Variants in HHAT observed in about 807,000 individuals in gnomAD.
HHAT encodes protein-cysteine N-palmitoyltransferase HHAT.
A neutral mutation model predicts 70.8 loss-of-function variants in HHAT; 47 were observed. The ratio of observed to expected loss-of-function variants is 0.66; its 90% CI spans 0.53 to 0.85. The LOEUF (loss-of-function observed/expected upper bound fraction) is 0.85, where lower values mean the gene tolerates loss of function less well. HHAT is among the 40% of genes least tolerant of loss of function. The probability of loss-of-function intolerance (pLI) is 0.00; values close to 1 mark genes in which losing one functional copy is unlikely to be tolerated. For synonymous variants in HHAT, 228 were observed against 247.6 expected (o/e 0.92, Z 0.74); for missense variants, 609 against 604.8 (o/e 1.01, Z -0.07).
intron 5 of HHAT, 77 bp from the exon 6 acceptor site, chr1:210,404,387 T>C: frequency 1.8e-6 from 2 of 1,141,186 alleles, no homozygotes; most frequent in South Asian, 2.7e-5. Flanking sequence ...GTGGCCCTGC[T>C]GGCCAGCACC....
At chr1:210,365,031 C>T (rs778309651) in intron 3 of HHAT, among the ~76,000 whole-genome samples, 8 of 152,048 alleles carry the variant, frequency 5.3e-5, no homozygotes, top group Admixed American at 2.0e-4. Context: ...GGTTTGGAGC[C>T]CTAGAATTTA....
At chr1:210,353,780 G>T (rs1486577760) in intron 2 of HHAT, among the ~76,000 whole-genome samples, 1 of 151,488 alleles carries the variant, frequency 6.6e-6, no homozygotes, top group African/African-American at 2.4e-5. Flanking sequence ...TCAGCATTTG[G>T]CTTTATTTTC....
intron 11 of HHAT, among the ~76,000 whole-genome samples, chr1:210,632,119 A>G (rs146822479): frequency 0.012 from 1,823 of 152,242 alleles, 14 homozygotes; most frequent in Non-Finnish European, 0.019. Context: ...TATTCTCTCT[A>G]AGGGGAAGCT....
chr1:210,674,445 C>G lies in HHAT; in HGVS notation c.*66C>G. 3 of 1,273,414 alleles carry G rather than the reference C, an allele frequency of 2.4e-6. No homozygotes were observed. Among genetic ancestry groups the G allele is most frequent in the South Asian group, 1.2e-5 (1 of 82,970 alleles). The allele number at this position is 1,273,414 out of a possible 1,614,324, so 78.9% of individuals were successfully genotyped here. ...GGCAAATAGTGCTTCACCCTGACCTCTCACTCCAGGACAGCCTCTAAGGGA... is the reference window on the plus strand; with the variant it reads ...GGCAAATAGTGCTTCACCCTGACCTGTCACTCCAGGACAGCCTCTAAGGGA... On this transcript the variant is annotated 3_prime_UTR_variant, in exon 12 of 12. Coordinates refer to ENST00000261458, the MANE Select transcript of HHAT (RefSeq NM_018194.6).
At chr1:210,648,022 G>A (rs1271682912) in intron 11 of HHAT, among the ~76,000 whole-genome samples, 3 of 152,062 alleles carry the variant, frequency 2.0e-5, no homozygotes. Flanking sequence ...GTTTTCTTGT[G>A]TCCCACCTCT....
chr1:210,576,252 T>G (rs1485860288), intron 9 of HHAT, among the ~76,000 whole-genome samples: 1 of 152,172 alleles, frequency 6.6e-6, no homozygotes, highest in African/African-American at 2.4e-5. Context: ...ATGCTACTCA[T>G]TATGATAATG....
At chr1:210,661,036 G>A (rs899169348) in intron 11 of HHAT, among the ~76,000 whole-genome samples, 3 of 152,156 alleles carry the variant, frequency 2.0e-5, no homozygotes, top group African/African-American at 7.2e-5. Flanking sequence ...AACACCAAAA[G>A]CAATGGCAAC....
At chr1:210,370,310 G>A (rs1346599560) in intron 3 of HHAT, among the ~76,000 whole-genome samples, 1 of 151,258 alleles carries the variant, frequency 6.6e-6, no homozygotes, top group Non-Finnish European at 1.5e-5. Context: ...AAGTACCTGG[G>A]ATTACAGGTG....
At chr1:210,396,812 C>T (rs879805705) in intron 4 of HHAT, among the ~76,000 whole-genome samples, 17 of 152,076 alleles carry the variant, frequency 1.1e-4, no homozygotes, top group East Asian at 9.6e-4. Context: ...CAGGAAATTA[C>T]GCTGAGTGAA....
chr1:210,329,258 C>T (rs940502487), intron 1 of HHAT, 154 bp downstream of exon 1: 4 of 1,190,076 alleles, frequency 3.4e-6, no homozygotes, highest in African/African-American at 1.6e-5. Context: ...AGGAAGTTCC[C>T]GGTCGGGCGA....
chr1:210,633,281 A>G (rs1005905984), intron 11 of HHAT, among the ~76,000 whole-genome samples: 7 of 152,230 alleles, frequency 4.6e-5, no homozygotes, highest in African/African-American at 1.2e-4. Flanking sequence ...TCAGGTCCAC[A>G]TGATGGTTAG....
At chr1:210,377,640 T>C (rs1039434641) in intron 3 of HHAT, among the ~76,000 whole-genome samples, 2 of 152,222 alleles carry the variant, frequency 1.3e-5, no homozygotes, top group Non-Finnish European at 2.9e-5. Context: ...AGGTTGGCAG[T>C]TGGGCTGAAG....
Position 210,348,984 on chromosome 1 carries a change from C to CCATCGGGG in HHAT, c.10_11insATCGGGGC (p.Arg4HisfsTer15), listed in dbSNP as rs1370338826. The CCATCGGGG allele has an allele frequency of 2.5e-6, 4 of 1,613,958 alleles. No homozygotes were observed. The South Asian group carries it at 4.4e-5, about 18-fold the overall frequency. On this transcript the variant is annotated frameshift_variant, in exon 2 of 12. Coordinates refer to ENST00000261458, the MANE Select transcript of HHAT (RefSeq NM_018194.6). LOFTEE classifies it high-confidence loss of function. ...CTTCGTGCCAAGGAGCCATGCTGCC[C>CCATCGGGG]CGATGGGAACTGGCACTTTACCTAC...
chr1:210,501,004 C>G (rs2094742265), intron 8 of HHAT, among the ~76,000 whole-genome samples: 1 of 152,214 alleles, frequency 6.6e-6, no homozygotes, highest in African/African-American at 2.4e-5. Context: ...GCCTCTCCTG[C>G]CCTCCCCCAT....
chr1:210,625,653 C>T (rs892781520), intron 11 of HHAT, among the ~76,000 whole-genome samples: 1 of 152,176 alleles, frequency 6.6e-6, no homozygotes, highest in Admixed American at 6.5e-5. Flanking sequence ...GCAGGCATAT[C>T]AGGGAAATTA....
chr1:210,375,663 CT>C (rs375459036), intron 3 of HHAT, among the ~76,000 whole-genome samples: 153 of 147,194 alleles, frequency 1.0e-3, no homozygotes, highest in African/African-American at 3.2e-3. Flanking sequence ...ATTTGGAGAT[CT>C]TTTTTTTTTG....
chr1:210,373,917 T>C (rs537016356), intron 3 of HHAT, among the ~76,000 whole-genome samples: 1 of 152,330 alleles, frequency 6.6e-6, no homozygotes, highest in Non-Finnish European at 1.5e-5. Context: ...CCAAATTGTC[T>C]AAGCCAGTCT....
rs1017959658 is a variant in HHAT at position 210,507,277 on chromosome 1, T to C, written c.1008-5876T>C. On this transcript the variant is annotated intron_variant, in intron 8 of 11. Transcript: ENST00000261458. The stretch of plus-strand genomic sequence containing the variant: ...TTGGCATATACTTCTAAGAAAACAA[T>C]GTGTATTCTTTTCCTACTGTAGCTC... Among the ~76,000 whole-genome samples, 5 of 152,118 alleles carry C rather than the reference T, an allele frequency of 3.3e-5. No homozygotes were observed. The East Asian group carries it at 9.6e-4, about 29-fold the overall frequency.
intron 8 of HHAT, among the ~76,000 whole-genome samples, chr1:210,473,434 C>CGT: frequency 6.6e-6 from 1 of 151,910 alleles, no homozygotes; most frequent in East Asian, 1.9e-4. Context: ...GAGGAGGGGT[C>CGT]CATTCAGTTG....
Sources: allele counts gnomAD v4.1 joint callset (sites outside exome capture counted in the v4.1 genomes callset), GRCh38; gene constraint gnomAD v4.1.1; transcripts MANE v1.5; gene names NCBI Gene and HGNC (gene_info 2026-07-23, HGNC 2026-07-21).